Variants in MYO5A observed in about 807,000 individuals in gnomAD.
MYO5A encodes unconventional myosin-Va.
A neutral mutation model predicts 249.7 loss-of-function variants in MYO5A; 98 were observed. The observed-to-expected ratio is 0.39, with a 90% CI of 0.33 to 0.46. The LOEUF (loss-of-function observed/expected upper bound fraction) is 0.46, where lower values mean the gene tolerates loss of function less well. Ranked by LOEUF, MYO5A falls within the 20% of genes least tolerant of loss-of-function variation. The pLI is 0.98. For missense variants in MYO5A, 1,696 were observed against 2,308.8 expected (o/e 0.73, Z 5.44); for synonymous variants, 778 against 810.6 (o/e 0.96, Z 0.68).
rs541690586 is a variant in MYO5A at position 52,467,342 on chromosome 15, CAG to C, written c.28-34059_28-34058del. Among the ~76,000 whole-genome samples the C allele has an allele frequency of 1.6e-4, 24 of 152,172 alleles. No individual in the cohort carries two copies. The South Asian group carries it at 4.8e-3, about 30-fold the overall frequency. On this transcript the variant is annotated intron_variant, in intron 1 of 41. Transcript: ENST00000399233. ...ACAGGAGACAGATTTCAAAAACAAACAGAAATTCTGGGTCTGAAAAATTATTG... is the reference window on the plus strand; with the variant it reads ...ACAGGAGACAGATTTCAAAAACAAACAAATTCTGGGTCTGAAAAATTATTG...
intron 4 of MYO5A, among the ~76,000 whole-genome samples, chr15:52,423,113 C>G (rs185547547): frequency 1.1e-4 from 17 of 152,228 alleles, no homozygotes; most frequent in Middle Eastern, 3.4e-3. Context: ...CAGTGTCTGG[C>G]GTTTGGACGG....
chr15:52,480,087 A>G (rs1391251611), intron 1 of MYO5A, among the ~76,000 whole-genome samples: 1 of 152,240 alleles, frequency 6.6e-6, no homozygotes, highest in Non-Finnish European at 1.5e-5. Context: ...ATCACATCGT[A>G]TACCTTGAAT....
At chr15:52,459,926 C>CA (rs2141406873) in intron 1 of MYO5A, among the ~76,000 whole-genome samples, 1 of 151,990 alleles carries the variant, frequency 6.6e-6, no homozygotes, top group Non-Finnish European at 1.5e-5. Context: ...CCTCACTTCT[C>CA]AGACGGGGCG....
chr15:52,430,372 G>C (rs1034453845), intron 2 of MYO5A, among the ~76,000 whole-genome samples: 1 of 152,182 alleles, frequency 6.6e-6, no homozygotes, highest in African/African-American at 2.4e-5. Flanking sequence ...TGAAATATTA[G>C]AGAAGACACT....
intron 23 of MYO5A, among the ~76,000 whole-genome samples, chr15:52,365,033 T>C (rs534143962): frequency 2.8e-4 from 42 of 152,184 alleles, no homozygotes; most frequent in Non-Finnish European, 4.1e-4. Flanking sequence ...ATTCCAATGG[T>C]ATTCTATTCA....
Position 52,528,734 on chromosome 15 carries a change from G to C in MYO5A, c.27+46C>G, listed in dbSNP as rs1481925383. 3 of 1,489,808 alleles carry C rather than the reference G, an allele frequency of 2.0e-6. No individual in the cohort carries two copies. The South Asian group carries it at 3.8e-5, about 19-fold the overall frequency. The allele number at this position is 1,489,808 out of a possible 1,614,324, so 92.3% of individuals were successfully genotyped here. A position where few individuals can be genotyped will look rare whatever the true frequency, so the allele number is the denominator to read the frequency against. The stretch of plus-strand genomic sequence containing the variant: ...TCCCCAGCCTGACAGCTGGCGGCGA[G>C]GGCCGCACAGCCCCAGTCCTCGACG... On this transcript the variant is annotated intron_variant, in intron 1 of 41. Coordinates refer to ENST00000399233, the MANE Select transcript of MYO5A (RefSeq NM_001382347.1).
intron 1 of MYO5A, among the ~76,000 whole-genome samples, chr15:52,484,933 G>A (rs2076787187): frequency 6.6e-6 from 1 of 152,058 alleles, no homozygotes; most frequent in Non-Finnish European, 1.5e-5. Flanking sequence ...TGTTGGCCAG[G>A]CTGGTCTTGA....
chr15:52,319,413 CACAA>C, intron 38 of MYO5A, 71 bp from the exon 39 acceptor site: 1 of 1,491,520 alleles, frequency 6.7e-7, no homozygotes, highest in Admixed American at 1.7e-5. Context: ...TATCCATGTG[CACAA>C]ACACATGCAC....
chr15:52,405,055 A>T (rs879746443), intron 9 of MYO5A, among the ~76,000 whole-genome samples: 11,438 of 48,606 alleles, frequency 0.24, 533 homozygotes, highest in Middle Eastern at 0.33. Context: ...TCTCTGTCAC[A>T]CACACACACA....
intron 25 of MYO5A, among the ~76,000 whole-genome samples, chr15:52,357,572 TAGA>T (rs2040304594): frequency 6.6e-6 from 1 of 151,714 alleles, no homozygotes; most frequent in African/African-American, 2.4e-5. Flanking sequence ...AATATTAAAA[TAGA>T]AGGTGGAAGA....
intron 9 of MYO5A, 37 bp from the exon 10 acceptor site, chr15:52,397,503 T>C (rs780188539): frequency 1.2e-6 from 2 of 1,605,692 alleles, no homozygotes; most frequent in East Asian, 2.2e-5. Flanking sequence ...TATGACCAGA[T>C]AAATCAAGTA....
chr15:52,453,483 A>G (rs1249406742), intron 1 of MYO5A, among the ~76,000 whole-genome samples: 38 of 152,236 alleles, frequency 2.5e-4, no homozygotes, highest in Admixed American at 2.5e-3. Flanking sequence ...ACTAATGTGA[A>G]AAAACAAAAC....
intron 1 of MYO5A, among the ~76,000 whole-genome samples, chr15:52,469,940 C>T (rs2076425302): frequency 6.6e-6 from 1 of 152,226 alleles, no homozygotes. Context: ...AAACTCTTCA[C>T]TCCCCACCCT....
In MYO5A at chr15:52,383,191, G is replaced by T; in HGVS notation, c.1915-3C>A. On this transcript the variant is annotated splice_polypyrimidine_tract_variant and splice_region_variant and intron_variant, in intron 15 of 41. Coordinates refer to ENST00000399233, the MANE Select transcript of MYO5A (RefSeq NM_001382347.1). ...AGCAGGTGCAGGGAGTTTCTGAACT[G>T]CATGAAAAAGGGCAGAAGAGGGTAT... is the stretch of plus-strand genomic sequence containing the variant. The T allele has an allele frequency of 6.2e-7, 1 of 1,607,586 alleles. No homozygotes were observed. Among genetic ancestry groups the T allele is most frequent in the Non-Finnish European group, 8.5e-7 (1 of 1,174,106 alleles).
chr15:52,308,358 C>T lies in MYO5A; in HGVS notation c.*5338G>A, dbSNP rs1361499296. The T allele has an allele frequency of 6.6e-6, 1 of 152,162 alleles. No homozygotes were observed. Among genetic ancestry groups the T allele is most frequent in the Non-Finnish European group, 1.5e-5 (1 of 68,026 alleles). The allele number at this position is 152,162 out of a possible 1,614,324, so 9.4% of individuals were successfully genotyped here. Reference sequence around the variant, plus strand: ...TTTAGGGTAATACAACAGATTTGAACTTATAGCACGCTTTCCTGTTTTTAC... The same window carrying T: ...TTTAGGGTAATACAACAGATTTGAATTTATAGCACGCTTTCCTGTTTTTAC... On this transcript the variant is annotated 3_prime_UTR_variant, in exon 42 of 42. Transcript: ENST00000399233.
rs775792965 is a variant in MYO5A at position 52,319,186 on chromosome 15, T to C, written c.5108A>G (p.His1703Arg). The change falls in exon 39 of 42, where the codon CAT becomes CGT. Residue 1703 changes from histidine to arginine, a missense_variant. His to Arg is a conservative substitution (Grantham distance 29). Transcript: ENST00000399233. Reference sequence around the variant, plus strand: ...CTTGATCAGTTCAGGGTCCATGCCATGCTGACACATGACCGAGTGGAAGGA... The same window carrying C: ...CTTGATCAGTTCAGGGTCCATGCCACGCTGACACATGACCGAGTGGAAGGA... ...LNSFHSVMCQ[H>R]GMDPELIKQV... 6.2e-7 allele frequency: 1 copy of C among 1,614,192 alleles called. No individual in the cohort carries two copies. The highest frequency in any genetic ancestry group is 1.6e-4 in the Middle Eastern group (1 of 6,062).
intron 21 of MYO5A, among the ~76,000 whole-genome samples, chr15:52,370,955 A>G (rs189003652): frequency 6.6e-6 from 1 of 150,864 alleles, no homozygotes; most frequent in East Asian, 1.9e-4. Flanking sequence ...TTACAAAAAA[A>G]TTTAAAAATT....
chr15:52,315,872 A>C (rs2037982182), intron 40 of MYO5A, among the ~76,000 whole-genome samples: 1 of 151,930 alleles, frequency 6.6e-6, no homozygotes, highest in African/African-American at 2.4e-5. Context: ...GGCTGGTCTC[A>C]AACTGATTGA....
intron 7 of MYO5A, 53 bp from the exon 8 acceptor site, chr15:52,407,452 T>C (rs2043056339): frequency 7.8e-7 from 1 of 1,281,668 alleles, no homozygotes. Flanking sequence ...CCTTGCCTTC[T>C]AACCTTATGT....
Sources: allele counts gnomAD v4.1 joint callset (sites outside exome capture counted in the v4.1 genomes callset), GRCh38; gene constraint gnomAD v4.1.1; transcripts MANE v1.5; gene names NCBI Gene and HGNC (gene_info 2026-07-23, HGNC 2026-07-21).